EXOC4: variants seen among roughly 807,000 people sequenced by gnomAD.
EXOC4 encodes the protein exocyst complex component 4.
A neutral mutation model predicts 107.2 loss-of-function variants in EXOC4; 71 were observed. That is an observed-to-expected ratio of 0.66 (90% CI 0.55 to 0.81). The LOEUF (loss-of-function observed/expected upper bound fraction) is 0.81, where lower values mean the gene tolerates loss of function less well. EXOC4 is among the 30% of genes least tolerant of loss of function. The pLI is 0.00. For missense variants in EXOC4, 1,108 were observed against 1,189.6 expected, an observed-to-expected ratio of 0.93 and a Z score of 1.01; for synonymous variants, 456 against 441.2, an observed-to-expected ratio of 1.03 and a Z score of -0.42.
Position 133,467,543 on chromosome 7 carries a change from T to G in EXOC4, c.1183-7785T>G, listed in dbSNP as rs1798759685. Among the ~76,000 whole-genome samples the G allele has an allele frequency of 3.3e-5, 5 of 151,888 alleles. No homozygotes were observed. The South Asian group carries it at 1.0e-3, about 31-fold the overall frequency. ...TTTAAAACTCTTTTTCATTGCCTCATTTTGTATTTGGCTTCAGTTCGTAAT... is the reference window on the plus strand; with the variant it reads ...TTTAAAACTCTTTTTCATTGCCTCAGTTTGTATTTGGCTTCAGTTCGTAAT... On this transcript the variant is annotated intron_variant, in intron 7 of 17. Transcript: ENST00000253861.
intron 10 of EXOC4, chr7:133,732,667 G>A (rs1329827659): frequency 1.3e-5 from 2 of 153,556 alleles, no homozygotes; most frequent in African/African-American, 2.4e-5. Context: ...ATCATGGAAA[G>A]GATAAATAGA....
At chr7:133,601,968 C>T (rs1287430940) in intron 9 of EXOC4, 1 of 152,252 alleles carries the variant, frequency 6.6e-6, no homozygotes, top group Non-Finnish European at 1.5e-5. Flanking sequence ...CAATCCAATC[C>T]AGATCCTGCA....
chr7:133,444,317 C>T (rs1223855250), intron 7 of EXOC4, among the ~76,000 whole-genome samples: 1 of 152,150 alleles, frequency 6.6e-6, no homozygotes, highest in Non-Finnish European at 1.5e-5. Context: ...TTTATTCTTC[C>T]TGAATCTCCC....
chr7:133,544,364 T>G (rs975379734), intron 9 of EXOC4, among the ~76,000 whole-genome samples: 2 of 152,148 alleles, frequency 1.3e-5, no homozygotes, highest in Non-Finnish European at 2.9e-5. Context: ...AAATCTAATA[T>G]AATTCCTGCT....
At chr7:133,855,370 T>A (rs1798353357) in intron 11 of EXOC4, among the ~76,000 whole-genome samples, 1 of 151,518 alleles carries the variant, frequency 6.6e-6, no homozygotes, top group South Asian at 2.1e-4. Context: ...AGGTACCCTG[T>A]CAGATTTCTT....
intron 10 of EXOC4, chr7:133,733,061 A>G (rs1433868503): frequency 5.2e-6 from 1 of 192,124 alleles, no homozygotes; most frequent in South Asian, 1.1e-4. Context: ...ACTGCAGATC[A>G]GCAAGGCTCA....
At chr7:134,033,015 GAGAA>G (rs1795302701) in intron 17 of EXOC4, among the ~76,000 whole-genome samples, 1 of 152,178 alleles carries the variant, frequency 6.6e-6, no homozygotes, top group Non-Finnish European at 1.5e-5. Context: ...ATCCACAACT[GAGAA>G]AGAATAGGAG....
intron 9 of EXOC4, among the ~76,000 whole-genome samples, chr7:133,550,176 T>A (rs1200393951): frequency 6.6e-6 from 1 of 152,174 alleles, no homozygotes; most frequent in Non-Finnish European, 1.5e-5. Flanking sequence ...ATCATTTATA[T>A]TAATCATTTA....
At chr7:134,056,522 GAGA>G (rs1234604177) in intron 17 of EXOC4, among the ~76,000 whole-genome samples, 7 of 152,182 alleles carry the variant, frequency 4.6e-5, no homozygotes, top group African/African-American at 1.2e-4. Flanking sequence ...TTCAAAATGG[GAGA>G]AGGAGTTGAG....
chr7:133,906,017 T>C (rs1799557199), intron 12 of EXOC4, among the ~76,000 whole-genome samples: 1 of 152,100 alleles, frequency 6.6e-6, no homozygotes, highest in African/African-American at 2.4e-5. Context: ...TCACAGTGAC[T>C]AGAGTGGACA....
chr7:133,844,365 T>C (rs1321970728), intron 11 of EXOC4, among the ~76,000 whole-genome samples: 3 of 150,016 alleles, frequency 2.0e-5, no homozygotes, highest in Admixed American at 1.3e-4. Flanking sequence ...ATTTCTTGGA[T>C]TCCCACATAT....
chr7:134,095,737 A>G, the EXOC4 span, among the ~76,000 whole-genome samples: 3 of 152,234 alleles, frequency 2.0e-5, no homozygotes, highest in Non-Finnish European at 4.4e-5. Context: ...TTCCTATTCA[A>G]TAAATCTTGC....
intron 9 of EXOC4, among the ~76,000 whole-genome samples, chr7:133,491,291 T>A (rs1389208555): frequency 1.3e-5 from 2 of 152,236 alleles, no homozygotes; most frequent in Non-Finnish European, 2.9e-5. Flanking sequence ...AGCCAGTAAT[T>A]TGCATATTCA....
intron 7 of EXOC4, among the ~76,000 whole-genome samples, chr7:133,468,487 A>G (rs1471790683): frequency 5.3e-5 from 8 of 152,346 alleles, no homozygotes; most frequent in Admixed American, 5.2e-4. Context: ...GTAATTTAAA[A>G]TGGACATTCT....
Position 133,919,732 on chromosome 7 carries a change from T to C in EXOC4, c.2027+1994T>C, listed in dbSNP as rs74890895. Among the ~76,000 whole-genome samples the C allele has an allele frequency of 8.5e-4, 129 of 152,320 alleles. No homozygotes were observed. In the Middle Eastern group the frequency reaches 0.014, roughly 16 times the overall value. On this transcript the variant is annotated intron_variant, in intron 13 of 17. Coordinates refer to ENST00000253861, the MANE Select transcript of EXOC4 (RefSeq NM_021807.4). ...TTGTGGTATTATTGCTCATTTCTTT[T>C]TTATCTCTGAATTATGTTCCATTTC...
At chr7:133,646,810 A>T (rs1803004002) in intron 10 of EXOC4, among the ~76,000 whole-genome samples, 1 of 152,204 alleles carries the variant, frequency 6.6e-6, no homozygotes, top group African/African-American at 2.4e-5. Context: ...TGCATTTCTA[A>T]TGCAATCAGG....
chr7:133,474,096 G>A (rs181171248), intron 7 of EXOC4, among the ~76,000 whole-genome samples: 13 of 152,184 alleles, frequency 8.5e-5, no homozygotes, highest in East Asian at 5.8e-4. Context: ...TGATAGGTAA[G>A]GACTTACTGC....
intron 9 of EXOC4, among the ~76,000 whole-genome samples, chr7:133,614,870 A>G (rs1802154713): frequency 6.6e-6 from 1 of 151,300 alleles, no homozygotes; most frequent in Non-Finnish European, 1.5e-5. Context: ...TTCAAGGGCT[A>G]GCAGACAACA....
chr7:133,909,728 C>G (rs890377539), intron 12 of EXOC4, among the ~76,000 whole-genome samples: 2 of 152,028 alleles, frequency 1.3e-5, no homozygotes, highest in Non-Finnish European at 2.9e-5. Context: ...GGATTAAGAA[C>G]CATTGATAAA....
Sources: gnomAD v4.1 joint callset for allele counts (sites outside exome capture counted in the v4.1 genomes callset) on GRCh38, gnomAD v4.1.1 for gene constraint, MANE v1.5 for transcripts, NCBI Gene and HGNC (gene_info 2026-07-23, HGNC 2026-07-21) for gene names.